DMXL1: variants seen among roughly 807,000 people sequenced by gnomAD.
The protein encoded by DMXL1 is Dmx like 1.
Under a neutral mutation model 319.2 loss-of-function variants are expected in DMXL1, and 99 were observed. That is an observed-to-expected ratio of 0.31 (90% CI 0.26 to 0.37). The LOEUF (loss-of-function observed/expected upper bound fraction) is 0.37, where lower values mean the gene tolerates loss of function less well. DMXL1 is among the 10% of genes least tolerant of loss of function. The pLI, the probability that DMXL1 is intolerant of heterozygous loss-of-function variation, is 1.00. For missense variants in DMXL1, 3,745 were observed against 3,595.6 expected (o/e 1.04, Z -1.06); for synonymous variants, 1,385 against 1,235.2 (o/e 1.12, Z -2.54).
intron 41 of DMXL1, among the ~76,000 whole-genome samples, chr5:119,239,446 C>G (rs888955037): frequency 6.6e-6 from 1 of 152,140 alleles, no homozygotes; most frequent in Admixed American, 6.6e-5. Context: ...ATATTTCTTA[C>G]GTATGTTGGT....
chr5:119,200,968 G>T (rs574117475), intron 32 of DMXL1, among the ~76,000 whole-genome samples: 26 of 152,244 alleles, frequency 1.7e-4, no homozygotes, highest in African/African-American at 6.3e-4. Flanking sequence ...GAGCTTTTGG[G>T]CTGAGACATG....
intron 32 of DMXL1, among the ~76,000 whole-genome samples, chr5:119,202,062 A>G (rs569678216): frequency 1.1e-4 from 17 of 151,036 alleles, no homozygotes; most frequent in African/African-American, 4.1e-4. Context: ...GTGTGTCTCA[A>G]TTTCTTTCAT....
At chr5:119,225,969 C>A (rs1393150742) in intron 38 of DMXL1, among the ~76,000 whole-genome samples, 1 of 151,910 alleles carries the variant, frequency 6.6e-6, no homozygotes, top group African/African-American at 2.4e-5. Context: ...TTAAAACTAC[C>A]CTATTCTATG....
At chr5:119,241,529 C>T (rs551426944) in intron 42 of DMXL1, among the ~76,000 whole-genome samples, 108 of 136,164 alleles carry the variant, frequency 7.9e-4, no homozygotes, top group South Asian at 5.8e-3. Context: ...AGCAAGACTC[C>T]GTCTCAAAAA....
At chr5:119,167,098 C>G (rs1166309005) in intron 22 of DMXL1, among the ~76,000 whole-genome samples, 1 of 152,046 alleles carries the variant, frequency 6.6e-6, no homozygotes, top group Non-Finnish European at 1.5e-5. Context: ...ATATCTGGCT[C>G]TCTATTATTT....
At chr5:119,177,820 A>G (rs1776095492) in intron 27 of DMXL1, among the ~76,000 whole-genome samples, 176 bp from the exon 28 acceptor site, 1 of 152,154 alleles carries the variant, frequency 6.6e-6, no homozygotes, top group South Asian at 2.1e-4. Context: ...GTTTCTCTCA[A>G]GTAACTCATT....
chr5:119,071,612 G>T lies in DMXL1; in HGVS notation c.43G>T (p.Asp15Tyr). 6.2e-7 allele frequency: 1 copy of T among 1,604,988 alleles called. No individual in the cohort carries two copies. The highest frequency in any genetic ancestry group is 8.5e-7 in the Non-Finnish European group (1 of 1,176,194). ...GCTGACCGGGGCTGTGAACCCTGGCGACCACTGCTTCTCCGTGGGCAGCAT... is the reference window on the plus strand; with the variant it reads ...GCTGACCGGGGCTGTGAACCCTGGCTACCACTGCTTCTCCGTGGGCAGCAT... ...QVLTGAVNPG[D>Y]HCFSVGSIGD... Residue 15 changes from aspartate to tyrosine, a missense_variant, in exon 1 of 44, where the codon GAC (aspartate) becomes TAC (tyrosine). Around this residue, in one of 4 missense-constraint regions of DMXL1, gnomAD observed 2,096 missense variants for 1,985.4 expected, o/e 1.06. Transcript: ENST00000539542.
At chr5:119,215,835 G>A (rs995453348) in intron 34 of DMXL1, among the ~76,000 whole-genome samples, 15 of 151,968 alleles carry the variant, frequency 9.9e-5, no homozygotes, top group Non-Finnish European at 1.8e-4. Context: ...GGTGGCTCAC[G>A]CCCATAATCC....
chr5:119,147,116 T>C, intron 16 of DMXL1, 133 bp from the exon 17 acceptor site: 1 of 1,138,702 alleles, frequency 8.8e-7, no homozygotes, highest in Non-Finnish European at 1.2e-6. Context: ...TTATTTTCTT[T>C]CTGTGAAGAA....
chr5:119,095,243 A>G (rs1377751194), intron 1 of DMXL1, among the ~76,000 whole-genome samples: 2 of 152,208 alleles, frequency 1.3e-5, no homozygotes, highest in Non-Finnish European at 2.9e-5. Flanking sequence ...GAAAAAGTCA[A>G]ATAGTAGTAG....
intron 1 of DMXL1, among the ~76,000 whole-genome samples, chr5:119,091,229 C>G (rs968406048): frequency 6.6e-6 from 1 of 151,304 alleles, no homozygotes; most frequent in Non-Finnish European, 1.5e-5. Context: ...ATTTATTTGA[C>G]AGTGTCTTGC....
Position 119,149,811 on chromosome 5 carries a change from G to A in DMXL1, c.3984G>A (p.Leu1328=), listed in dbSNP as rs755644189. ...CGACTCTACCTCAGTATCATCCCTT[G>A]CAGCTTTTGGAACTCATGGATCTTG... The part of the protein sequence containing the change: ...LSPTLPQYHP[L]QLLELMDLGK... The change falls in exon 18 of 44, where the codon TTG becomes TTA. Residue 1328 remains leucine (L), a synonymous_variant. Transcript: ENST00000539542. 1 of 1,613,922 alleles carries A rather than the reference G, an allele frequency of 6.2e-7. No individual in the cohort carries two copies. The highest frequency in any genetic ancestry group is 8.5e-7 in the Non-Finnish European group (1 of 1,179,916).
At position 119,071,286 on chromosome 5, in the gene DMXL1, A is replaced by T. The variant is rs1242936000; in HGVS notation, c.-284A>T. The T allele has an allele frequency of 2.3e-6, 1 of 430,780 alleles. No individual in the cohort carries two copies. Among genetic ancestry groups the T allele is most frequent in the African/African-American group, 2.2e-5 (1 of 46,244 alleles). The allele number at this position is 430,780 out of a possible 1,614,324, so 26.7% of individuals were successfully genotyped here. A position where few individuals can be genotyped will look rare whatever the true frequency, so the allele number is the denominator to read the frequency against. On this transcript the variant is annotated 5_prime_UTR_variant, in exon 1 of 44. Coordinates refer to ENST00000539542, the MANE Select transcript of DMXL1 (RefSeq NM_001290321.3). Reference sequence around the variant, plus strand: ...AGTCGGCCCCGGGTCGTGGCCGGTGAGGGGACCCTGAGCTTCACCTGGGCT... The same window carrying T: ...AGTCGGCCCCGGGTCGTGGCCGGTGTGGGGACCCTGAGCTTCACCTGGGCT...
At chr5:119,097,264 GT>G (rs1488477223) in intron 1 of DMXL1, among the ~76,000 whole-genome samples, 1 of 152,188 alleles carries the variant, frequency 6.6e-6, no homozygotes, top group African/African-American at 2.4e-5. Context: ...CTGTTGAGGG[GT>G]TTAAGCAGGG....
At chr5:119,115,662 T>C (rs1231387972) in intron 6 of DMXL1, among the ~76,000 whole-genome samples, 4 of 152,206 alleles carry the variant, frequency 2.6e-5, no homozygotes, top group Non-Finnish European at 4.4e-5. Flanking sequence ...TCCCAAATTA[T>C]GACTATAAAT....
chr5:119,117,670 G>A (rs141659716), intron 7 of DMXL1, among the ~76,000 whole-genome samples: 2 of 152,092 alleles, frequency 1.3e-5, no homozygotes, highest in East Asian at 1.9e-4. Flanking sequence ...AGAGAAGCCC[G>A]GAGAGGAGGT....
Position 119,206,893 on chromosome 5 carries a change from TA to T in DMXL1, c.7925del (p.Lys2642ArgfsTer2). 1 of 1,515,392 alleles carries T rather than the reference TA, an allele frequency of 6.6e-7. No individual in the cohort carries two copies. Among genetic ancestry groups the T allele is most frequent in the Non-Finnish European group, 8.8e-7 (1 of 1,130,052 alleles). 93.9% of individuals were successfully genotyped at this position (1,515,392 alleles called of 1,614,324 possible). On this transcript the variant is annotated frameshift_variant and splice_region_variant, in exon 34 of 44. Transcript: ENST00000539542. LOFTEE classifies it high-confidence loss of function. ...NSMMEEPNINKIEADLGYPGG... is the reference protein window; with the variant it reads ...NSMMEEPNINXIEADLGYPGG... ...CTATGATGGAGGAGCCAAACATCAA[TA>T]AGGTACAAAATATCATTCAACTGAA...
rs1765394945 is a variant in DMXL1, at chr5:119,133,620, C to A, written c.1696C>A (p.Pro566Thr). Residue 566 changes from proline to threonine, a missense_variant, in exon 12 of 44, where the codon CCT becomes ACT. Physicochemically the swap from Pro to Thr is conservative, Grantham distance 38 (BLOSUM62 -1). This residue lies in a region of DMXL1 where 2,096 missense variants were observed against 1,985.4 expected (regional missense o/e 1.06). Transcript: ENST00000539542. ...DLAIQQGKQK[P>T]SGLTRSTSML... ...GGCTATTCAGCAGGGGAAACAAAAA[C>A]CTTCTGGCCTCACCCGTTCCACATC... 1 of 1,614,134 alleles carries A rather than the reference C, an allele frequency of 6.2e-7. No individual in the cohort carries two copies. Among genetic ancestry groups the A allele is most frequent in the African/African-American group, 1.3e-5 (1 of 75,026 alleles).
chr5:119,216,344 T>C (rs1304743320), intron 34 of DMXL1, among the ~76,000 whole-genome samples: 2 of 152,130 alleles, frequency 1.3e-5, no homozygotes, highest in African/African-American at 4.8e-5. Flanking sequence ...GATTACTCAC[T>C]TGGGCAAGTT....
Sources: gnomAD v4.1 joint callset for allele counts (sites outside exome capture counted in the v4.1 genomes callset) on GRCh38, gnomAD v4.1.1 for gene constraint, gnomAD v4.1.1 regional missense constraint, MANE v1.5 for transcripts, NCBI Gene and HGNC (gene_info 2026-07-23, HGNC 2026-07-21) for gene names.